Variants in DOCK3 observed in about 807,000 individuals in gnomAD.
The protein encoded by DOCK3 is dedicator of cytokinesis protein 3.
In DOCK3, 60 loss-of-function variants were observed where a neutral mutation model predicts 265.6. That is an observed-to-expected ratio of 0.23 (90% CI 0.18 to 0.28). The LOEUF (loss-of-function observed/expected upper bound fraction) is 0.28, where lower values mean the gene tolerates loss of function less well. Among genes scored for constraint, DOCK3 ranks in the 10% least tolerant of loss-of-function variants. The probability of loss-of-function intolerance (pLI) is 1.00; values close to 1 mark genes in which losing one functional copy is unlikely to be tolerated. For synonymous variants in DOCK3, 881 were observed against 938.0 expected, an observed-to-expected ratio of 0.94 and a Z score of 1.11; for missense variants, 1,981 against 2,594.3, an observed-to-expected ratio of 0.76 and a Z score of 5.14.
At chr3:51,070,976 G>A (rs1560020433) in intron 6 of DOCK3, among the ~76,000 whole-genome samples, 1 of 152,166 alleles carries the variant, frequency 6.6e-6, no homozygotes, top group Non-Finnish European at 1.5e-5. Context: ...CCGATCCGTG[G>A]AAAAATTGTC....
At chr3:51,316,850 A>G (rs941998373) in intron 32 of DOCK3, among the ~76,000 whole-genome samples, 2 of 152,130 alleles carry the variant, frequency 1.3e-5, no homozygotes, top group Admixed American at 6.5e-5. Context: ...TATATTCTGT[A>G]TGTAAGTCCT....
At chr3:50,788,993 T>C (rs2042331654) in intron 2 of DOCK3, among the ~76,000 whole-genome samples, 1 of 152,232 alleles carries the variant, frequency 6.6e-6, no homozygotes, top group African/African-American at 2.4e-5. Flanking sequence ...TTAGTTCTGC[T>C]CTGATCTTTG....
chr3:51,096,032 C>G (rs1331338187), intron 9 of DOCK3, among the ~76,000 whole-genome samples: 1 of 151,922 alleles, frequency 6.6e-6, no homozygotes, highest in East Asian at 1.9e-4. Flanking sequence ...ACCTTTTCCT[C>G]TGGTTGCCTT....
chr3:50,836,787 A>G (rs1363166004), intron 2 of DOCK3, among the ~76,000 whole-genome samples: 1 of 152,054 alleles, frequency 6.6e-6, no homozygotes, highest in Non-Finnish European at 1.5e-5. Context: ...CAGGCTGCAG[A>G]TTTTCCAAAC....
At chr3:50,765,929 C>T (rs1352310895) in intron 1 of DOCK3, among the ~76,000 whole-genome samples, 1 of 152,178 alleles carries the variant, frequency 6.6e-6, no homozygotes, top group Admixed American at 6.5e-5. Context: ...TAACCACCCC[C>T]AGCCCCTGCC....
At chr3:51,265,628 A>C (rs767937493) in intron 23 of DOCK3, among the ~76,000 whole-genome samples, 5 of 152,230 alleles carry the variant, frequency 3.3e-5, no homozygotes, top group Non-Finnish European at 7.3e-5. Context: ...GATGCAGAAA[A>C]GGCCTTCAAT....
At chr3:51,357,475 C>A (rs1386216807) in intron 44 of DOCK3, among the ~76,000 whole-genome samples, 1 of 152,216 alleles carries the variant, frequency 6.6e-6, no homozygotes, top group Non-Finnish European at 1.5e-5. Flanking sequence ...CTAGCCCCTA[C>A]TCCCAGTCCA....
chr3:50,901,188 T>C (rs1575483570), intron 4 of DOCK3, among the ~76,000 whole-genome samples: 1 of 152,194 alleles, frequency 6.6e-6, no homozygotes, highest in African/African-American at 2.4e-5. Flanking sequence ...GGAGGAATCC[T>C]GTGAGGCAGT....
chr3:51,360,752 C>G (rs2110336646), intron 47 of DOCK3, 120 bp downstream of exon 47: 2 of 1,364,820 alleles, frequency 1.5e-6, no homozygotes, highest in South Asian at 2.9e-5. Flanking sequence ...ACAGCAAACA[C>G]TTATGTGGCT....
rs782779611 is a variant in DOCK3, at chr3:51,381,541, C to T, written c.6075C>T (p.His2025=). 21 of 1,544,764 alleles carry T rather than the reference C, an allele frequency of 1.4e-5. No individual in the cohort carries two copies. The highest frequency in any genetic ancestry group is 1.4e-5 in the Non-Finnish European group (16 of 1,148,462). The change falls in exon 53 of 53, where the codon CAC becomes CAT. Residue 2025 remains histidine, a synonymous_variant. Transcript: ENST00000266037. This position sits in a 1 kb window ranked among gnomAD's most constrained non-coding sequence, Gnocchi z 5.6. ...KEEQARMAWE[H]GRGEQ ...AGCAGGCCCGCATGGCCTGGGAGCA[C>T]GGCCGAGGGGAGCAGTGAGGGGCAA...
chr3:51,014,035 G>C (rs1333550186), intron 5 of DOCK3, among the ~76,000 whole-genome samples: 1 of 152,194 alleles, frequency 6.6e-6, no homozygotes, highest in Non-Finnish European at 1.5e-5. Flanking sequence ...GCAGTGTTTA[G>C]GTGGCAGTGT....
intron 5 of DOCK3, among the ~76,000 whole-genome samples, chr3:51,007,218 G>A (rs1166857568): frequency 4.6e-5 from 7 of 152,224 alleles, no homozygotes; most frequent in Non-Finnish European, 8.8e-5. Flanking sequence ...CACAATGGTT[G>A]AACTAGTTTA....
intron 5 of DOCK3, among the ~76,000 whole-genome samples, chr3:51,003,159 TA>T (rs1341434917): frequency 6.6e-6 from 1 of 152,212 alleles, no homozygotes; most frequent in Admixed American, 6.5e-5. Flanking sequence ...ATTGATTCAT[TA>T]AAAAGTAGTT....
rs568150725 is a variant in DOCK3 at position 50,905,958 on chromosome 3, A to C, written c.218+15877A>C. Among the ~76,000 whole-genome samples, 102 of 152,130 alleles carry C rather than the reference A, an allele frequency of 6.7e-4. 1 individual carries two copies. Among genetic ancestry groups the C allele is most frequent in the African/African-American group, 2.4e-3 (101 of 41,454 alleles). On this transcript the variant is annotated intron_variant, in intron 4 of 52. Transcript: ENST00000266037. ...TCCCATCAATACCTAATTTATTGAG[A>C]GTTTTTAGCATGAAGGGCTGTTGAA...
intron 3 of DOCK3, among the ~76,000 whole-genome samples, chr3:50,888,772 A>G (rs1221391386): frequency 2.6e-5 from 4 of 152,324 alleles, no homozygotes; most frequent in African/African-American, 4.8e-5. Context: ...AGGATGCCCT[A>G]TTTAATAAAT....
At chr3:51,060,466 G>A (rs989970490) in intron 5 of DOCK3, among the ~76,000 whole-genome samples, 1 of 152,114 alleles carries the variant, frequency 6.6e-6, no homozygotes, top group African/African-American at 2.4e-5. Context: ...TGAAGTCCTT[G>A]CCCATGCCTG....
intron 12 of DOCK3, among the ~76,000 whole-genome samples, chr3:51,168,975 A>G (rs943465748): frequency 1.3e-5 from 2 of 152,236 alleles, no homozygotes; most frequent in African/African-American, 4.8e-5. Flanking sequence ...GCCAACAAGC[A>G]TATGAAAAAA....
intron 4 of DOCK3, among the ~76,000 whole-genome samples, chr3:50,896,335 T>A (rs147352897): frequency 2.0e-5 from 3 of 152,336 alleles, no homozygotes; most frequent in African/African-American, 7.2e-5. Flanking sequence ...TTGCCCACTT[T>A]TTGATGGAGT....
chr3:50,844,717 C>T (rs1408975106), intron 3 of DOCK3, among the ~76,000 whole-genome samples: 3 of 152,076 alleles, frequency 2.0e-5, no homozygotes, highest in Non-Finnish European at 4.4e-5. Context: ...GCATGATAGG[C>T]AGGAAGTATA....
Sources: allele counts gnomAD v4.1 joint callset (sites outside exome capture counted in the v4.1 genomes callset), GRCh38; gene constraint gnomAD v4.1.1; non-coding constraint Gnocchi (gnomAD v3.1); transcripts MANE v1.5; gene names NCBI Gene and HGNC (gene_info 2026-07-23, HGNC 2026-07-21).